Variants in CTCF observed in about 807,000 individuals in gnomAD.
The protein encoded by CTCF is CCCTC-binding factor, also known as transcriptional repressor CTCF.
In CTCF, 7 loss-of-function variants were observed where a neutral mutation model predicts 72.3. The observed-to-expected ratio is 0.10, with a 90% CI of 0.06 to 0.18. CTCF has a LOEUF of 0.18. CTCF is among the 10% of genes least tolerant of loss of function. The pLI is 1.00. For synonymous variants in CTCF, 374 were observed against 315.8 expected, an observed-to-expected ratio of 1.18 and a Z score of -1.95; for missense variants, 516 against 949.1, an observed-to-expected ratio of 0.54 and a Z score of 6.00.
intron 2 of CTCF, among the ~76,000 whole-genome samples, chr16:67,587,100 ATT>A (rs754060008): frequency 0.055 from 5,409 of 98,756 alleles, 334 homozygotes; most frequent in African/African-American, 0.18. Context: ...CTTCTTAAAC[ATT>A]TTTTTTTTTT....
intron 2 of CTCF, among the ~76,000 whole-genome samples, chr16:67,599,559 G>A (rs2051860330): frequency 6.6e-6 from 1 of 152,112 alleles, no homozygotes; most frequent in Admixed American, 6.6e-5. Flanking sequence ...CTTCCTTTTA[G>A]CCCCTCATCC....
At chr16:67,593,666 C>T (rs753576416) in intron 2 of CTCF, among the ~76,000 whole-genome samples, 4 of 152,098 alleles carry the variant, frequency 2.6e-5, no homozygotes, top group Non-Finnish European at 5.9e-5. Context: ...GGTCTTAGAG[C>T]TGCTAATGTA....
chr16:67,563,104 C>T (rs1315722924), intron 1 of CTCF, among the ~76,000 whole-genome samples: 2 of 152,046 alleles, frequency 1.3e-5, no homozygotes, highest in South Asian at 2.1e-4. Flanking sequence ...GTGTCCTCCG[C>T]CCCTCCCGCG....
chr16:67,632,320 A>C (rs1390362815), intron 10 of CTCF, among the ~76,000 whole-genome samples: 2 of 152,170 alleles, frequency 1.3e-5, no homozygotes, highest in Non-Finnish European at 2.9e-5. Context: ...AATTGTATGT[A>C]ACCAGAAGCA....
intron 1 of CTCF, among the ~76,000 whole-genome samples, chr16:67,566,513 A>AT (rs1158379152): frequency 9.7e-5 from 12 of 123,880 alleles, no homozygotes; most frequent in South Asian, 3.1e-4. Context: ...TTGTCTCAAA[A>AT]TTAAAAAAAA....
intron 7 of CTCF, among the ~76,000 whole-genome samples, chr16:67,624,631 T>C (rs1230293124): frequency 6.6e-6 from 1 of 152,118 alleles, no homozygotes; most frequent in Non-Finnish European, 1.5e-5. Context: ...CTTGCTCTGT[T>C]GCCCAGGCTG....
Position 67,638,168 on chromosome 16 carries a change from T to G in CTCF, c.*296T>G, listed in dbSNP as rs756264908. On this transcript the variant is annotated 3_prime_UTR_variant, in exon 12 of 12. Transcript: ENST00000264010. The stretch of plus-strand genomic sequence containing the variant: ...AGATGGAAACGGAGACATTGACCCC[T>G]CCCTCCATGTGGTAAACCACTCCAG... 3.0e-6 allele frequency: 1 copy of G among 332,716 alleles called. No homozygotes were observed. Among genetic ancestry groups the G allele is most frequent in the Non-Finnish European group, 5.5e-6 (1 of 182,136 alleles). 20.6% of individuals were successfully genotyped at this position (332,716 alleles called of 1,614,324 possible). A position where few individuals can be genotyped will look rare whatever the true frequency, so the allele number is the denominator to read the frequency against.
chr16:67,627,643 A>G (rs1415140958), intron 8 of CTCF: 2 of 151,678 alleles, frequency 1.3e-5, no homozygotes, highest in African/African-American at 4.9e-5. Context: ...TACTAAAAAA[A>G]AAAAACAAAA....
chr16:67,602,414 TTC>T (rs758055337), intron 2 of CTCF, among the ~76,000 whole-genome samples: 1 of 152,340 alleles, frequency 6.6e-6, no homozygotes, highest in East Asian at 1.9e-4. Context: ...TTGATACCTT[TTC>T]TGAGAATGTC....
In CTCF at chr16:67,627,948, A is replaced by C. The variant is rs559932359; in HGVS notation, c.1519-422A>C. ...AAAAAAAAAAAAAAAAAAAAAAGTCAGCTGGGTGTGGTGGCAGGCACCTGT... is the reference window on the plus strand; with the variant it reads ...AAAAAAAAAAAAAAAAAAAAAAGTCCGCTGGGTGTGGTGGCAGGCACCTGT... On this transcript the variant is annotated intron_variant, in intron 8 of 11. Transcript: ENST00000264010. 112 of 151,984 alleles carry C rather than the reference A, an allele frequency of 7.4e-4. 1 individual carries two copies. Among genetic ancestry groups the C allele is most frequent in the Non-Finnish European group, 1.1e-3 (77 of 69,816 alleles). The allele number at this position is 151,984 out of a possible 1,614,324, so 9.4% of individuals were successfully genotyped here.
At chr16:67,629,638 C>A in intron 10 of CTCF, 105 bp downstream of exon 10, 1 of 1,104,474 alleles carries the variant, frequency 9.1e-7, no homozygotes, top group Non-Finnish European at 1.2e-6. Context: ...GGCACACACT[C>A]TTCCTTTCTT....
intron 2 of CTCF, among the ~76,000 whole-genome samples, chr16:67,589,322 A>T (rs562919059): frequency 5.3e-5 from 8 of 152,136 alleles, no homozygotes; most frequent in Non-Finnish European, 1.2e-4. Context: ...AAATAATTAT[A>T]ATAATATTAA....
intron 2 of CTCF, among the ~76,000 whole-genome samples, chr16:67,601,780 T>C (rs1567604146): frequency 6.6e-6 from 1 of 152,164 alleles, no homozygotes; most frequent in Non-Finnish European, 1.5e-5. Flanking sequence ...TGGTTTCTAT[T>C]TGTACTCTTT....
At chr16:67,616,419 C>T (rs575413707) in intron 4 of CTCF, 4 of 223,642 alleles carry the variant, frequency 1.8e-5, no homozygotes, top group East Asian at 2.0e-4. Flanking sequence ...CCACCAAGCC[C>T]GGTCTCTATT....
chr16:67,585,497 T>A (rs1439791250), intron 2 of CTCF, among the ~76,000 whole-genome samples: 1 of 152,250 alleles, frequency 6.6e-6, no homozygotes, highest in East Asian at 1.9e-4. Context: ...ATTTTGAGCT[T>A]ACTCATCTTC....
intron 2 of CTCF, among the ~76,000 whole-genome samples, chr16:67,604,515 G>C (rs2051943191): frequency 2.0e-5 from 3 of 151,904 alleles, no homozygotes; most frequent in Admixed American, 1.3e-4. Context: ...GCTAATTTTT[G>C]TATTTTTAGT....
intron 5 of CTCF, among the ~76,000 whole-genome samples, chr16:67,619,765 G>A (rs2052178361): frequency 6.6e-6 from 1 of 152,076 alleles, no homozygotes; most frequent in South Asian, 2.1e-4. Context: ...TGTATTTTTT[G>A]TAGAGACAGG....
Position 67,611,033 on chromosome 16 carries a change from C to G in CTCF, c.201C>G (p.Asp67Glu), listed in dbSNP as rs759343386. The change falls in exon 3 of 12, where the codon GAC becomes GAG. Residue 67 changes from aspartate (D) to glutamate (E), a missense_variant. Asp to Glu is a conservative substitution (Grantham distance 45). Coordinates refer to ENST00000264010, the MANE Select transcript of CTCF (RefSeq NM_006565.4). The stretch of plus-strand genomic sequence containing the variant: ...AGATGGTGATGATGGAACAGCTGGA[C>G]CCCACCCTTCTTCAGATGAAGACTG... Reference protein sequence around the residue: ...SVQMVMMEQLDPTLLQMKTEV... With the variant: ...SVQMVMMEQLEPTLLQMKTEV... 2.5e-6 allele frequency: 4 copies of G among 1,614,124 alleles called. No homozygotes were observed. The highest frequency in any genetic ancestry group is 3.4e-6 in the Non-Finnish European group (4 of 1,180,004).
intron 7 of CTCF, among the ~76,000 whole-genome samples, chr16:67,621,924 A>T (rs530886316): frequency 6.6e-6 from 1 of 152,110 alleles, no homozygotes; most frequent in African/African-American, 2.4e-5. Flanking sequence ...GTGTGATTCA[A>T]ACTCAGGTCA....
Sources: allele counts gnomAD v4.1 joint callset (sites outside exome capture counted in the v4.1 genomes callset), GRCh38; gene constraint gnomAD v4.1.1; transcripts MANE v1.5; gene names NCBI Gene and HGNC (gene_info 2026-07-23, HGNC 2026-07-21).